POM121: variants seen among roughly 807,000 people sequenced by gnomAD.
POM121 encodes POM121 transmembrane nucleoporin.
A neutral mutation model predicts 81.3 loss-of-function variants in POM121; 32 were observed. The observed-to-expected ratio is 0.39, with a 90% CI of 0.30 to 0.53. The LOEUF is 0.53. Among genes scored for constraint, POM121 ranks in the 20% least tolerant of loss-of-function variants. POM121 has a pLI of 0.66. For synonymous variants in POM121, 514 were observed against 694.2 expected (o/e 0.74, Z 4.08); for missense variants, 1,138 against 1,614.6 (o/e 0.70, Z 5.06).
At chr7:72,915,456 C>G (rs1183982243) in intron 4 of POM121, among the ~76,000 whole-genome samples, 6 of 152,134 alleles carry the variant, frequency 3.9e-5, no homozygotes, top group Admixed American at 3.9e-4. Flanking sequence ...TCCTCCGCCT[C>G]GCACCTCCCA....
intron 4 of POM121, among the ~76,000 whole-genome samples, chr7:72,919,987 G>A (rs757907426): frequency 6.6e-6 from 1 of 152,074 alleles, no homozygotes; most frequent in Non-Finnish European, 1.5e-5. Context: ...TATATCATTG[G>A]TTTTGAGCAA....
intron 3 of POM121, among the ~76,000 whole-genome samples, chr7:72,895,854 A>G (rs1406538694): frequency 6.6e-6 from 1 of 151,800 alleles, no homozygotes; most frequent in Non-Finnish European, 1.5e-5. Flanking sequence ...GGCTGCAGTG[A>G]GCTGAGATCG....
At chr7:72,904,002 C>T (rs1792977389) in intron 3 of POM121, among the ~76,000 whole-genome samples, 1 of 152,202 alleles carries the variant, frequency 6.6e-6, no homozygotes, top group Non-Finnish European at 1.5e-5. Context: ...GGGGGTTTCA[C>T]CATGTTGGCC....
At chr7:72,910,471 ACT>A (rs1793698809) in intron 3 of POM121, among the ~76,000 whole-genome samples, 1 of 151,998 alleles carries the variant, frequency 6.6e-6, no homozygotes, top group South Asian at 2.1e-4. Flanking sequence ...CTAGCTCCTC[ACT>A]GTCTTTGAGA....
chr7:72,894,644 AGAGAGAGAGAGAGAGAG>A, intron 3 of POM121, among the ~76,000 whole-genome samples: 1 of 135,338 alleles, frequency 7.4e-6, no homozygotes, highest in South Asian at 2.5e-4. Flanking sequence ...AGAGAGAGAG[AGAGAGAGAGAGAGAGAG>A]AGAGAGAGAG....
upstream of POM121, chr7:72,924,880 CGATCCTTCCACGG>C (rs1361840682): frequency 1.8e-6 from 1 of 565,564 alleles, no homozygotes; most frequent in Non-Finnish European, 2.8e-6. Flanking sequence ...ATCTTGGACG[CGATCCTTCCACGG>C]GATCGCCTCC....
In POM121 at chr7:72,943,045, G is replaced by T. The variant is rs138430822; in HGVS notation, c.3052G>T (p.Val1018Leu). 9.3e-6 allele frequency: 15 copies of T among 1,613,788 alleles called. No individual in the cohort carries two copies. The South Asian group carries it at 1.3e-4, about 14-fold the overall frequency. ...TGCACCTCCGTCCATGATCAAGGTC[G>T]TGCCTGCGTACGTGCCTACGCCCAT... ...TPAPPSMIKV[V>L]PAYVPTPIHP... Residue 1018 changes from valine to leucine, a missense_variant, in exon 11 of 13, where the codon GTG (valine) becomes TTG (leucine). Val to Leu is a conservative substitution (Grantham distance 32). Around this residue, in one of 7 missense-constraint regions of POM121, gnomAD observed 336 missense variants for 344.3 expected, o/e 0.98. Coordinates refer to ENST00000434423, the MANE Select transcript of POM121 (RefSeq NM_001387691.1).
chr7:72,919,139 C>T (rs150323482), intron 4 of POM121, among the ~76,000 whole-genome samples: 2,158 of 151,226 alleles, frequency 0.014, 37 homozygotes, highest in African/African-American at 0.049. Flanking sequence ...CTCCTGACCT[C>T]AGGTGATTCA....
chr7:72,888,018 T>C (rs1790905473), intron 1 of POM121, among the ~76,000 whole-genome samples: 1 of 152,192 alleles, frequency 6.6e-6, no homozygotes, highest in South Asian at 2.1e-4. Flanking sequence ...TCTATATGTT[T>C]TTTCTAATAT....
intron 1 of POM121, among the ~76,000 whole-genome samples, chr7:72,880,558 T>C (rs1586049611): frequency 1.3e-5 from 2 of 152,204 alleles, no homozygotes; most frequent in South Asian, 2.1e-4. Context: ...ACTCAATTCC[T>C]ATGGCTTATT....
intron 3 of POM121, among the ~76,000 whole-genome samples, chr7:72,898,746 CGA>C (rs1792228446): frequency 7.1e-6 from 1 of 140,580 alleles, no homozygotes; most frequent in Non-Finnish European, 1.5e-5. Context: ...TGCAGTGAGC[CGA>C]GATTGCACCA....
chr7:72,925,075 C>T (rs1586145160), upstream of POM121: 3 of 1,360,248 alleles, frequency 2.2e-6, no homozygotes, highest in Non-Finnish European at 1.9e-6. Flanking sequence ...ACGCGCGGCG[C>T]GGTGCACGCT....
intron 1 of POM121, among the ~76,000 whole-genome samples, chr7:72,886,050 C>T (rs141918589): frequency 0.077 from 11,630 of 151,722 alleles, 1,099 homozygotes; most frequent in African/African-American, 0.26. Context: ...TACAATAGGA[C>T]ACTTCCATTT....
chr7:72,899,783 G>C (rs554267913), intron 3 of POM121, among the ~76,000 whole-genome samples: 1 of 151,946 alleles, frequency 6.6e-6, no homozygotes, highest in South Asian at 2.1e-4. Context: ...GTTTCACTGT[G>C]TTAGCCAGGA....
Position 72,925,733 on chromosome 7 carries a change from T to A in POM121, c.612T>A (p.Pro204=). ...ACGTTTACCCCTCTCTGCCCACTCCTCTTCTCCGACCCTCCAGGAGGCCTT... is the reference window on the plus strand; with the variant it reads ...ACGTTTACCCCTCTCTGCCCACTCCACTTCTCCGACCCTCCAGGAGGCCTT... The part of the protein sequence containing the change: ...AHHVYPSLPT[P]LLRPSRRPSP... The change falls in exon 1 of 13, where the codon CCT becomes CCA. Residue 204 remains proline, a synonymous_variant. Coordinates refer to ENST00000434423, the MANE Select transcript of POM121 (RefSeq NM_001387691.1). 2 of 1,170,876 alleles carry A rather than the reference T, an allele frequency of 1.7e-6. No homozygotes were observed. Among genetic ancestry groups the A allele is most frequent in the Non-Finnish European group, 2.1e-6 (2 of 943,384 alleles). 72.5% of individuals were successfully genotyped at this position (1,170,876 alleles called of 1,614,324 possible). A position where few individuals can be genotyped will look rare whatever the true frequency, so the allele number is the denominator to read the frequency against.
chr7:72,902,112 A>G (rs1554492741), intron 3 of POM121, among the ~76,000 whole-genome samples: 1 of 151,926 alleles, frequency 6.6e-6, no homozygotes, highest in African/African-American at 2.4e-5. Flanking sequence ...AACTCATGAA[A>G]AAAAAAACAA....
upstream of POM121, chr7:72,924,786 T>TAAC (rs1414583280): frequency 3.5e-6 from 1 of 284,426 alleles, no homozygotes; most frequent in African/African-American, 2.2e-5. Flanking sequence ...AAGTACCTGG[T>TAAC]AACAGGCTGT....
intron 11 of POM121, among the ~76,000 whole-genome samples, chr7:72,943,752 T>C (rs1387102846): frequency 3.3e-5 from 5 of 151,970 alleles, no homozygotes; most frequent in Admixed American, 2.6e-4. Flanking sequence ...AATTGTAAGC[T>C]GAAGGTTGGG....
At chr7:72,892,820 C>CCATG (rs1250443831) in intron 3 of POM121, among the ~76,000 whole-genome samples, 2 of 152,040 alleles carry the variant, frequency 1.3e-5, no homozygotes, top group African/African-American at 4.8e-5. Flanking sequence ...GTGCACACCA[C>CCATG]CATGCCTGGC....
Sources: gnomAD v4.1 joint callset for allele counts (sites outside exome capture counted in the v4.1 genomes callset) on GRCh38, gnomAD v4.1.1 for gene constraint, gnomAD v4.1.1 regional missense constraint, MANE v1.5 for transcripts, NCBI Gene and HGNC (gene_info 2026-07-23, HGNC 2026-07-21) for gene names.